The following CDK11B variants were observed in gnomAD, a reference collection of about 807,000 sequenced individuals.
CDK11B encodes the protein cyclin dependent kinase 11B.
Under a neutral mutation model 84.0 loss-of-function variants are expected in CDK11B, and 37 were observed. That is an observed-to-expected ratio of 0.44 (90% CI 0.34 to 0.58). The LOEUF is 0.58. Ranked by LOEUF, CDK11B falls within the 20% of genes least tolerant of loss-of-function variation. The pLI, the probability that CDK11B is intolerant of heterozygous loss-of-function variation, is 0.02. For synonymous variants in CDK11B, 269 were observed against 309.8 expected, an observed-to-expected ratio of 0.87 and a Z score of 1.38; for missense variants, 427 against 834.0, an observed-to-expected ratio of 0.51 and a Z score of 6.01.
chr1:1,637,981 C>T (rs1315546722), intron 12 of CDK11B, 98 bp from the exon 13 acceptor site: 2 of 1,547,086 alleles, frequency 1.3e-6, no homozygotes, highest in Admixed American at 1.8e-5. Context: ...GCCCAAAGCG[C>T]CAGCATTTCA....
At chr1:1,652,169 A>G (rs1642105007) in intron 4 of CDK11B, among the ~76,000 whole-genome samples, 1 of 147,234 alleles carries the variant, frequency 6.8e-6, no homozygotes, top group Non-Finnish European at 1.5e-5. Context: ...GCTTTCAGCT[A>G]GAGTTTGCTC....
chr1:1,637,729 A>C lies in CDK11B; in HGVS notation c.1464+33T>G, dbSNP rs763382310. ...CGGGGCCCTGTCAGAAAAGCCTTCC[A>C]CCCGGGGCCAGGCGTGGTGGGGCCA... On this transcript the variant is annotated intron_variant, in intron 13 of 19. Coordinates refer to ENST00000341832, the MANE Select transcript of CDK11B (RefSeq NM_033486.3). 5.6e-6 allele frequency: 9 copies of C among 1,613,456 alleles called. No individual in the cohort carries two copies. The East Asian group carries it at 2.0e-4, about 36-fold the overall frequency.
chr1:1,654,156 G>C (rs776397424), intron 3 of CDK11B: 14 of 464,878 alleles, frequency 3.0e-5, no homozygotes, highest in Non-Finnish European at 5.6e-5. Context: ...ATTTCTGGCT[G>C]TGTTTCCTTT....
chr1:1,647,209 T>C (rs1402220649), intron 5 of CDK11B, among the ~76,000 whole-genome samples: 1 of 152,256 alleles, frequency 6.6e-6, no homozygotes, highest in Admixed American at 6.5e-5. Context: ...CCACAAGTTG[T>C]TTCCAAGCCT....
In CDK11B at chr1:1,649,132, C is replaced by T. The variant is rs374311618; in HGVS notation, c.494+367G>A. 8.1e-4 allele frequency among the ~76,000 whole-genome samples: 123 copies of T among 152,220 alleles called. 6 individuals are homozygous for T. The East Asian group carries it at 0.022, about 27-fold the overall frequency. ...CTTTTTTTTTTGAGACGGAGTCTCG[C>T]TCTGTCGCCCAGGCTGGAGTGCAGT... On this transcript the variant is annotated intron_variant, in intron 5 of 19. Transcript: ENST00000341832.
At chr1:1,656,657 G>T (rs1184047233) in intron 2 of CDK11B, among the ~76,000 whole-genome samples, 1 of 152,218 alleles carries the variant, frequency 6.6e-6, no homozygotes, top group South Asian at 2.1e-4. Flanking sequence ...TGGCATGTTG[G>T]TGGGCCCCTG....
rs1225643993 is a variant in CDK11B, at chr1:1,652,088, C to T, written c.355+351G>A. Among the ~76,000 whole-genome samples, 5 of 144,176 alleles carry T rather than the reference C, an allele frequency of 3.5e-5. No homozygotes were observed. In the Admixed American group the frequency reaches 3.6e-4, roughly 10 times the overall value. The allele number at this position is 144,176 out of a possible 152,430, so 94.6% of individuals were successfully genotyped here. A position where few individuals can be genotyped will look rare whatever the true frequency, so the allele number is the denominator to read the frequency against. ...AGTTTGCTCTCATAGCCCTTCTGAA[C>T]GGTCTGTGACACATGCATGCTTTCA... On this transcript the variant is annotated intron_variant, in intron 4 of 19. Coordinates refer to ENST00000341832, the MANE Select transcript of CDK11B (RefSeq NM_033486.3).
intron 5 of CDK11B, among the ~76,000 whole-genome samples, chr1:1,649,107 C>CTT (rs1343331843): frequency 1.3e-5 from 2 of 148,436 alleles, no homozygotes; most frequent in African/African-American, 5.0e-5. Context: ...GTGACTTCTT[C>CTT]TTTTTTTTTT....
chr1:1,649,905 G>A (rs1570176517), intron 4 of CDK11B, among the ~76,000 whole-genome samples: 1 of 150,936 alleles, frequency 6.6e-6, no homozygotes, highest in African/African-American at 2.4e-5. Flanking sequence ...GAACCCGGGA[G>A]GCGGAGGTTG....
intron 2 of CDK11B, among the ~76,000 whole-genome samples, chr1:1,656,068 T>C (rs1011380959): frequency 1.3e-5 from 2 of 152,236 alleles, no homozygotes; most frequent in Non-Finnish European, 2.9e-5. Flanking sequence ...AGGCGTATCT[T>C]GCAAACCAAA....
At chr1:1,648,293 G>A (rs115533093) in intron 5 of CDK11B, among the ~76,000 whole-genome samples, 3,673 of 151,174 alleles carry the variant, frequency 0.024, 108 homozygotes, top group African/African-American at 0.085. Flanking sequence ...CTGTACTCTC[G>A]TGGGACAAGA....
At chr1:1,646,167 G>C (rs1168030704) in intron 5 of CDK11B, 1 of 425,532 alleles carries the variant, frequency 2.3e-6, no homozygotes, top group Non-Finnish European at 4.7e-6. Context: ...CATACAGTTA[G>C]ATCTTGTTTT....
At chr1:1,639,412 G>A (rs1225780284) in intron 11 of CDK11B, among the ~76,000 whole-genome samples, 1 of 150,936 alleles carries the variant, frequency 6.6e-6, no homozygotes, top group African/African-American at 2.5e-5. Flanking sequence ...GACAGACCCA[G>A]TCTCCAAAAA....
chr1:1,650,878 A>T lies in CDK11B; in HGVS notation c.356-1241T>A, dbSNP rs1641919114. Among the ~76,000 whole-genome samples the T allele has an allele frequency of 2.0e-5, 3 of 152,076 alleles. No homozygotes were observed. The South Asian group carries it at 6.2e-4, about 32-fold the overall frequency. ...AGCGTCTAATTATGAAGAAAGAAGA[A>T]AAAAGAAAAACAATTCTGCTATCAC... On this transcript the variant is annotated intron_variant, in intron 4 of 19. Coordinates refer to ENST00000341832, the MANE Select transcript of CDK11B (RefSeq NM_033486.3).
intron 4 of CDK11B, among the ~76,000 whole-genome samples, chr1:1,651,736 GAT>G (rs1385053999): frequency 6.6e-6 from 1 of 151,368 alleles, no homozygotes; most frequent in Non-Finnish European, 1.5e-5. Flanking sequence ...CATGCTTTCA[GAT>G]AGAGTATTCT....
chr1:1,647,407 A>G lies in CDK11B; in HGVS notation c.494+2092T>C, dbSNP rs1641305099. Among the ~76,000 whole-genome samples, 3 of 152,252 alleles carry G rather than the reference A, an allele frequency of 2.0e-5. No homozygotes were observed. The South Asian group carries it at 6.2e-4, about 32-fold the overall frequency. On this transcript the variant is annotated intron_variant, in intron 5 of 19. Transcript: ENST00000341832. ...TGTCCGTGAAATCCATCTCCCTCAC[A>G]GCTCGTGGCCACCCCGTTCCTTCCC...
intron 4 of CDK11B, among the ~76,000 whole-genome samples, chr1:1,651,088 AT>A (rs1641945859): frequency 6.6e-6 from 1 of 152,176 alleles, no homozygotes; most frequent in Admixed American, 6.5e-5. Flanking sequence ...TAATCATGAC[AT>A]TTCAATCGGG....
At chr1:1,656,368 G>A (rs1484427579) in intron 2 of CDK11B, among the ~76,000 whole-genome samples, 1 of 152,172 alleles carries the variant, frequency 6.6e-6, no homozygotes, top group Non-Finnish European at 1.5e-5. Flanking sequence ...GCAGGTGCCT[G>A]TAGTCCCAGG....
At chr1:1,651,941 ACATG>A (rs1642070319) in intron 4 of CDK11B, among the ~76,000 whole-genome samples, 1 of 117,292 alleles carries the variant, frequency 8.5e-6, no homozygotes, top group Non-Finnish European at 1.8e-5. Context: ...TGTGACACAC[ACATG>A]CTTTTAGCTA....
Sources: gnomAD v4.1 joint callset for allele counts (sites outside exome capture counted in the v4.1 genomes callset) on GRCh38, gnomAD v4.1.1 for gene constraint, MANE v1.5 for transcripts, NCBI Gene and HGNC (gene_info 2026-07-23, HGNC 2026-07-21) for gene names.